ENTREP2: variants seen among roughly 807,000 people sequenced by gnomAD.
ENTREP2 encodes the protein endosomal transmembrane epsin interactor 2.
chr15:29,169,465 T>TA, the ENTREP2 span, among the ~76,000 whole-genome samples: 11 of 152,246 alleles, frequency 7.2e-5, no homozygotes, highest in East Asian at 1.9e-3. Context: ...TGGCTGTCTT[T>TA]AAAAAACAAG....
At chr15:29,486,074 G>A in the ENTREP2 span, among the ~76,000 whole-genome samples, 1 of 152,164 alleles carries the variant, frequency 6.6e-6, no homozygotes, top group Non-Finnish European at 1.5e-5. Flanking sequence ...GTTCATTACA[G>A]CACTATTCAC....
chr15:29,511,109 G>T, the ENTREP2 span, among the ~76,000 whole-genome samples: 1 of 152,034 alleles, frequency 6.6e-6, no homozygotes, highest in African/African-American at 2.4e-5. Flanking sequence ...GTTGATGGGT[G>T]CAGCAAACCA....
chr15:29,383,267 G>A, the ENTREP2 span, among the ~76,000 whole-genome samples: 1 of 152,090 alleles, frequency 6.6e-6, no homozygotes, highest in Non-Finnish European at 1.5e-5. Flanking sequence ...AACCCAACAT[G>A]TCCAAAAATG....
At chr15:29,425,422 T>C in the ENTREP2 span, among the ~76,000 whole-genome samples, 27 of 152,326 alleles carry the variant, frequency 1.8e-4, no homozygotes, top group Non-Finnish European at 3.7e-4. Context: ...TGGACAGTCC[T>C]ACTTTCCTTT....
the ENTREP2 span, among the ~76,000 whole-genome samples, chr15:29,526,857 T>A: frequency 6.6e-6 from 1 of 151,872 alleles, no homozygotes; most frequent in East Asian, 1.9e-4. Context: ...GCCTCCACAC[T>A]CCCACTCTCC....
At chr15:29,245,967 T>C in the ENTREP2 span, among the ~76,000 whole-genome samples, 11 of 152,140 alleles carry the variant, frequency 7.2e-5, no homozygotes, top group African/African-American at 2.7e-4. Flanking sequence ...GCAGGGACGG[T>C]CTTAGTGATT....
chr15:29,348,513 G>A, the ENTREP2 span, among the ~76,000 whole-genome samples: 1 of 152,194 alleles, frequency 6.6e-6, no homozygotes, highest in Non-Finnish European at 1.5e-5. Flanking sequence ...GCTCGGGAGT[G>A]GGAGGGGTGG....
the ENTREP2 span, among the ~76,000 whole-genome samples, chr15:29,360,481 T>C: frequency 6.6e-6 from 1 of 152,216 alleles, no homozygotes; most frequent in Non-Finnish European, 1.5e-5. Flanking sequence ...CCATTTCCTG[T>C]GAACTATAGA....
At chr15:29,126,808 C>T in the ENTREP2 span, among the ~76,000 whole-genome samples, 1 of 152,202 alleles carries the variant, frequency 6.6e-6, no homozygotes, top group Admixed American at 6.5e-5. Context: ...CAGGGGTACA[C>T]AGCAGCCCCA....
the ENTREP2 span, among the ~76,000 whole-genome samples, chr15:29,146,730 G>GT: frequency 6.6e-6 from 1 of 152,176 alleles, no homozygotes; most frequent in Non-Finnish European, 1.5e-5. Context: ...AAGGTCAGGA[G>GT]TTTGAGACCA....
chr15:29,328,780 T>C, the ENTREP2 span, among the ~76,000 whole-genome samples: 22 of 152,162 alleles, frequency 1.4e-4, no homozygotes, highest in African/African-American at 4.8e-4. Context: ...CTGTAAAGGA[T>C]TGGCATTGAA....
the ENTREP2 span, among the ~76,000 whole-genome samples, chr15:29,314,786 T>G: frequency 1.3e-5 from 2 of 152,190 alleles, no homozygotes; most frequent in African/African-American, 4.8e-5. Context: ...GTGCAGTGGC[T>G]AATGTCTGTA....
chr15:29,329,215 T>C, the ENTREP2 span, among the ~76,000 whole-genome samples: 2 of 151,840 alleles, frequency 1.3e-5, no homozygotes, highest in Non-Finnish European at 2.9e-5. Flanking sequence ...TACAAAAAAT[T>C]AGCCGGGCAT....
the ENTREP2 span, among the ~76,000 whole-genome samples, chr15:29,412,997 A>AT: frequency 6.6e-6 from 1 of 152,160 alleles, no homozygotes; most frequent in South Asian, 2.1e-4. Context: ...ACCTAAGGCT[A>AT]TTCATTTGCA....
At chr15:29,123,626 A>G in the ENTREP2 span, 1 of 1,550,602 alleles carries the variant, frequency 6.4e-7, no homozygotes, top group Admixed American at 2.0e-5. Context: ...TGGGCCCGAC[A>G]GGCAGCCGTG....
chr15:29,377,542 G>C, the ENTREP2 span, among the ~76,000 whole-genome samples: 14 of 152,150 alleles, frequency 9.2e-5, no homozygotes, highest in African/African-American at 3.4e-4. Flanking sequence ...AATGAGTCAC[G>C]GCCAGGCGCA....
chr15:29,510,622 G>A, the ENTREP2 span, among the ~76,000 whole-genome samples: 5 of 151,730 alleles, frequency 3.3e-5, no homozygotes, highest in African/African-American at 7.3e-5. Context: ...TGGCTAACAC[G>A]ATGAAACCCC....
At chr15:29,285,521 G>A in the ENTREP2 span, among the ~76,000 whole-genome samples, 5 of 152,196 alleles carry the variant, frequency 3.3e-5, no homozygotes, top group Admixed American at 1.3e-4. Context: ...ACTGATGCAA[G>A]AAGAATCACA....
the ENTREP2 span, among the ~76,000 whole-genome samples, chr15:29,286,402 A>G: frequency 2.0e-5 from 3 of 152,232 alleles, no homozygotes; most frequent in African/African-American, 7.2e-5. Flanking sequence ...AAATAACAGC[A>G]TATGTGGTAC....
Sources: gnomAD v4.1 joint callset for allele counts (sites outside exome capture counted in the v4.1 genomes callset) on GRCh38, gnomAD v4.1.1 for gene constraint, MANE v1.5 for transcripts, NCBI Gene and HGNC (gene_info 2026-07-23, HGNC 2026-07-21) for gene names.